Variants in TMEM62 observed in about 807,000 individuals in gnomAD.
TMEM62 encodes the protein transmembrane protein 62.
A neutral mutation model predicts 70.4 loss-of-function variants in TMEM62; 41 were observed. The ratio of observed to expected loss-of-function variants is 0.58; its 90% CI spans 0.45 to 0.76. TMEM62 has a LOEUF of 0.76. TMEM62 is among the 30% of genes least tolerant of loss of function. TMEM62 has a pLI of 0.00. For missense variants in TMEM62, 688 were observed against 788.5 expected, an observed-to-expected ratio of 0.87 and a Z score of 1.53; for synonymous variants, 268 against 291.0, an observed-to-expected ratio of 0.92 and a Z score of 0.80.
At chr15:43,139,474 G>A (rs1276879140) in intron 4 of TMEM62, among the ~76,000 whole-genome samples, 1 of 152,212 alleles carries the variant, frequency 6.6e-6, no homozygotes, top group Non-Finnish European at 1.5e-5. Flanking sequence ...GAAGCTTGGT[G>A]AGGAAGGCTG....
chr15:43,168,167 GGGAGAC>G (rs752859294), intron 10 of TMEM62, among the ~76,000 whole-genome samples: 2,372 of 75,538 alleles, frequency 0.031, 232 homozygotes, highest in African/African-American at 0.093. Flanking sequence ...GAGAGGGAGA[GGGAGAC>G]GGAGACGGAG....
At chr15:43,147,700 GT>G (rs2036849261) in intron 5 of TMEM62, among the ~76,000 whole-genome samples, 1 of 152,124 alleles carries the variant, frequency 6.6e-6, no homozygotes, top group Non-Finnish European at 1.5e-5. Flanking sequence ...GTTCTATTTT[GT>G]TTCTTATCTA....
At chr15:43,158,209 G>C (rs1023344381) in intron 9 of TMEM62, among the ~76,000 whole-genome samples, 12 of 152,018 alleles carry the variant, frequency 7.9e-5, no homozygotes, top group African/African-American at 2.9e-4. Flanking sequence ...TACTTTATCT[G>C]GTTTTTTATG....
intron 12 of TMEM62, chr15:43,180,825 C>T (rs2142127284): frequency 6.2e-6 from 1 of 160,022 alleles, no homozygotes; most frequent in Non-Finnish European, 1.4e-5. Context: ...AATTTAACTT[C>T]TGTGGAATAC....
Position 43,138,564 on chromosome 15 carries a change from T to C in TMEM62, c.431-10T>C. On this transcript the variant is annotated splice_polypyrimidine_tract_variant and intron_variant, in intron 3 of 13. Coordinates refer to ENST00000260403, the MANE Select transcript of TMEM62 (RefSeq NM_024956.4). ...GATGAATGTTTGCTTTTTTTTTTTTTTTAAATTAGATGCATTCAATATTCC... is the reference window on the plus strand; with the variant it reads ...GATGAATGTTTGCTTTTTTTTTTTTCTTAAATTAGATGCATTCAATATTCC... 1 of 1,579,200 alleles carries C rather than the reference T, an allele frequency of 6.3e-7. No individual in the cohort carries two copies. The highest frequency in any genetic ancestry group is 1.8e-5 in the Admixed American group (1 of 54,182).
chr15:43,167,198 C>T (rs1421627760), intron 10 of TMEM62, among the ~76,000 whole-genome samples: 3 of 151,034 alleles, frequency 2.0e-5, no homozygotes, highest in African/African-American at 7.3e-5. Context: ...GACGGGTCGG[C>T]TGGCCGGGCG....
chr15:43,175,813 G>A (rs1442670548), intron 11 of TMEM62, among the ~76,000 whole-genome samples: 1 of 152,214 alleles, frequency 6.6e-6, no homozygotes, highest in Non-Finnish European at 1.5e-5. Flanking sequence ...TCTCACTAGG[G>A]AGTGCCAGAC....
intron 13 of TMEM62, among the ~76,000 whole-genome samples, chr15:43,181,596 G>A (rs974783298): frequency 1.3e-5 from 2 of 152,158 alleles, no homozygotes. Flanking sequence ...CCACCTCTTG[G>A]GTTCCAGCGA....
chr15:43,167,502 G>A (rs1412201766), intron 10 of TMEM62, among the ~76,000 whole-genome samples: 13 of 150,886 alleles, frequency 8.6e-5, no homozygotes, highest in African/African-American at 3.2e-4. Context: ...CAGGGCAGAG[G>A]CGCTCCCCAC....
At chr15:43,160,453 A>G (rs2038560658) in intron 9 of TMEM62, 1 of 433,060 alleles carries the variant, frequency 2.3e-6, no homozygotes, top group South Asian at 3.5e-5. Context: ...TATCAGGAAG[A>G]TCACTTGACC....
chr15:43,147,108 C>G (rs897018245), intron 5 of TMEM62, among the ~76,000 whole-genome samples: 2 of 152,160 alleles, frequency 1.3e-5, no homozygotes, highest in African/African-American at 4.8e-5. Flanking sequence ...AGATTACAGG[C>G]ACGTGCCACC....
Position 43,146,564 on chromosome 15 carries a change from T to C in TMEM62, c.548T>C (p.Phe183Ser). ...AGTACTCCCTTTGGCAACTATTCGT[T>C]CATCTGTGTAGATGCCACTGTAAAT... ...VHSTPFGNYS[F>S]ICVDATVNPG... Residue 183 changes from phenylalanine to serine, a missense_variant, in exon 5 of 14, where the codon TTC becomes TCC. Physicochemically the swap from Phe to Ser is radical, Grantham distance 155. Coordinates refer to ENST00000260403, the MANE Select transcript of TMEM62 (RefSeq NM_024956.4). 1 of 1,613,688 alleles carries C rather than the reference T, an allele frequency of 6.2e-7. No individual in the cohort carries two copies. Among genetic ancestry groups the C allele is most frequent in the Non-Finnish European group, 8.5e-7 (1 of 1,179,614 alleles).
At chr15:43,168,638 G>C (rs1010392629) in intron 10 of TMEM62, among the ~76,000 whole-genome samples, 1 of 152,178 alleles carries the variant, frequency 6.6e-6, no homozygotes, top group Non-Finnish European at 1.5e-5. Context: ...GTTTCCACAA[G>C]AGGAAGGAGT....
intron 8 of TMEM62, among the ~76,000 whole-genome samples, chr15:43,153,463 T>C (rs1014971652): frequency 6.6e-6 from 1 of 152,212 alleles, no homozygotes; most frequent in Non-Finnish European, 1.5e-5. Context: ...CCACAGCCCC[T>C]GGCAACCACC....
chr15:43,151,319 G>GAAAAAAAAAAAAAAAAAA (rs896405823), intron 7 of TMEM62, among the ~76,000 whole-genome samples: 22 of 53,402 alleles, frequency 4.1e-4, no homozygotes, highest in African/African-American at 1.2e-3. Flanking sequence ...TCAAAAATAA[G>GAAAAAAAAAAAAAAAAAA]AAAAAAAAAA....
chr15:43,154,881 A>C (rs993462202), intron 9 of TMEM62, 50 bp downstream of exon 9: 1 of 1,462,398 alleles, frequency 6.8e-7, no homozygotes. Flanking sequence ...CTGTAGCCAC[A>C]ATGAATTCTG....
At chr15:43,150,876 G>A (rs944999819) in intron 7 of TMEM62, among the ~76,000 whole-genome samples, 1 of 152,238 alleles carries the variant, frequency 6.6e-6, no homozygotes, top group African/African-American at 2.4e-5. Flanking sequence ...AAATTCAGGG[G>A]AATGTGTAGA....
rs2141525928 is a variant in TMEM62, at chr15:43,140,708, A to C, written c.476+2089A>C. Among the ~76,000 whole-genome samples the C allele has an allele frequency of 2.0e-5, 3 of 152,322 alleles. 1 individual carries two copies. The South Asian group carries it at 6.2e-4, about 32-fold the overall frequency. ...CTATGATGAGATCCAGGGTCTGCCC[A>C]ATCTCAGTCTGATAGAAACTCTGCC... On this transcript the variant is annotated intron_variant, in intron 4 of 13. Coordinates refer to ENST00000260403, the MANE Select transcript of TMEM62 (RefSeq NM_024956.4).
rs576172533 is a variant in TMEM62 at position 43,150,495 on chromosome 15, TA to T, written c.867-1292del. On this transcript the variant is annotated intron_variant, in intron 7 of 13. Transcript: ENST00000260403. ...AGGACCTAAACTTTACCTGCCCTTA[TA>T]AACACTTAAATTGTGTTAGTTACAA... is the stretch of plus-strand genomic sequence containing the variant. 2.4e-3 allele frequency among the ~76,000 whole-genome samples: 368 copies of T among 152,344 alleles called. 4 individuals carry two copies. In the Middle Eastern group the frequency reaches 0.037, roughly 15 times the overall value.
Sources: gnomAD v4.1 joint callset for allele counts (sites outside exome capture counted in the v4.1 genomes callset) on GRCh38, gnomAD v4.1.1 for gene constraint, MANE v1.5 for transcripts, NCBI Gene and HGNC (gene_info 2026-07-23, HGNC 2026-07-21) for gene names.